Variants in FAM118B observed in about 807,000 individuals in gnomAD.
FAM118B encodes the protein SIR2 antiphage like 1, also known as protein FAM118B.
In FAM118B, 24 loss-of-function variants were observed where a neutral mutation model predicts 38.5. That is an observed-to-expected ratio of 0.62 (90% CI 0.45 to 0.88). The LOEUF is 0.88. FAM118B is among the 40% of genes least tolerant of loss of function. The pLI is 0.00. For synonymous variants in FAM118B, 138 were observed against 156.3 expected (o/e 0.88, Z 0.87); for missense variants, 334 against 420.0 (o/e 0.80, Z 1.79).
chr11:126,257,779 G>A (rs1950602396), intron 7 of FAM118B, among the ~76,000 whole-genome samples: 1 of 152,042 alleles, frequency 6.6e-6, no homozygotes, highest in South Asian at 2.1e-4. Flanking sequence ...ATGCTATTTG[G>A]AAACGGATAA....
At chr11:126,235,485 A>G (rs554104411) in intron 3 of FAM118B, among the ~76,000 whole-genome samples, 1 of 151,176 alleles carries the variant, frequency 6.6e-6, no homozygotes, top group Admixed American at 6.6e-5. Context: ...CACTCTCCCC[A>G]TGTTCTTGTA....
chr11:126,214,528 A>AT (rs1949954528), intron 1 of FAM118B: 3 of 29,192 alleles, frequency 1.0e-4, no homozygotes, highest in African/African-American at 1.4e-4. Flanking sequence ...TTTTTTTTTT[A>AT]CCTCTATATT....
In FAM118B at chr11:126,250,198, T is replaced by TCAGCTGTGTGTGTGTGTGAGG. The variant is rs1950481361; in HGVS notation, c.340-307_340-306insAGCTGTGTGTGTGTGTGAGGC. ...GCTCCGCCTCCTGGGTTCACACCAT[T>TCAGCTGTGTGTGTGTGTGAGG]CTCCTGCCTCAGCCTCCCAAGTAGC... On this transcript the variant is annotated intron_variant, in intron 4 of 8. Transcript: ENST00000533050. The surrounding 1 kb of genome is among the most constrained non-coding windows in gnomAD (Gnocchi z 5.1). Among the ~76,000 whole-genome samples the TCAGCTGTGTGTGTGTGTGAGG allele has an allele frequency of 6.6e-6, 1 of 151,860 alleles. No individual in the cohort carries two copies. The highest frequency in any genetic ancestry group is 2.4e-5 in the African/African-American group (1 of 41,360).
intron 1 of FAM118B, among the ~76,000 whole-genome samples, chr11:126,213,759 A>G (rs1196010081): frequency 1.3e-5 from 2 of 152,206 alleles, no homozygotes; most frequent in Non-Finnish European, 2.9e-5. Flanking sequence ...AACAAAATGA[A>G]GAACCAACTC....
In FAM118B at chr11:126,253,914, G is replaced by A. The variant is rs559167266; in HGVS notation, c.568-391G>A. ...ATCCCATTGGCTAAAAGCAAGCCAT[G>A]TGGTTAGCCTGGAGTCACTCCGAAG... On this transcript the variant is annotated intron_variant, in intron 5 of 8. Coordinates refer to ENST00000533050, the MANE Select transcript of FAM118B (RefSeq NM_024556.4). This position sits in a 1 kb window ranked among gnomAD's most constrained non-coding sequence, Gnocchi z 5.1. Among the ~76,000 whole-genome samples the A allele has an allele frequency of 1.3e-5, 2 of 152,318 alleles. No homozygotes were observed. The highest frequency in any genetic ancestry group is 6.5e-5 in the Admixed American group (1 of 15,302).
rs1199290036 is a variant in FAM118B, at chr11:126,256,517, G to C, written c.697-50G>C. 2 of 1,566,666 alleles carry C rather than the reference G, an allele frequency of 1.3e-6. No individual in the cohort carries two copies. The highest frequency in any genetic ancestry group is 3.5e-5 in the Admixed American group (2 of 57,612). On this transcript the variant is annotated intron_variant, in intron 6 of 8. Coordinates refer to ENST00000533050, the MANE Select transcript of FAM118B (RefSeq NM_024556.4). This position sits in a 1 kb window ranked among gnomAD's most constrained non-coding sequence, Gnocchi z 6.6. ...AGCATGACCTTCTTGTTTCAGACTT[G>C]CCTTGAGTGTGTCTTCACAATGTCA... is the stretch of plus-strand genomic sequence containing the variant.
chr11:126,262,339 T>A lies in FAM118B; in HGVS notation c.*206T>A. On this transcript the variant is annotated 3_prime_UTR_variant, in exon 9 of 9. Coordinates refer to ENST00000533050, the MANE Select transcript of FAM118B (RefSeq NM_024556.4). Reference sequence around the variant, plus strand: ...TTGATATTCTGCCGCCTGTTCAAGTTCAAGAATAAAAGCGACAGCAGGACC... The same window carrying A: ...TTGATATTCTGCCGCCTGTTCAAGTACAAGAATAAAAGCGACAGCAGGACC... 78 of 465,248 alleles carry A rather than the reference T, an allele frequency of 1.7e-4. No homozygotes were observed. Among genetic ancestry groups the A allele is most frequent in the Non-Finnish European group, 1.9e-4 (49 of 256,026 alleles). The allele number at this position is 465,248 out of a possible 1,614,324, so 28.8% of individuals were successfully genotyped here.
chr11:126,241,770 G>A (rs1044409520), intron 4 of FAM118B, among the ~76,000 whole-genome samples: 16 of 151,980 alleles, frequency 1.1e-4, no homozygotes, highest in East Asian at 5.8e-4. Context: ...AGCTGGTCTC[G>A]AACTTCTGAC....
rs890039530 is a variant in FAM118B at position 126,250,418 on chromosome 11, T to C, written c.340-88T>C. On this transcript the variant is annotated intron_variant, in intron 4 of 8. Transcript: ENST00000533050. This position sits in a 1 kb window ranked among gnomAD's most constrained non-coding sequence, Gnocchi z 5.1. Reference sequence around the variant, plus strand: ...TATCTCTGTTTTGAATTCAAAATATTCTTCCAAAATTTGTTACTGCTGTAA... The same window carrying C: ...TATCTCTGTTTTGAATTCAAAATATCCTTCCAAAATTTGTTACTGCTGTAA... The C allele has an allele frequency of 8.1e-6, 7 of 867,816 alleles. No individual in the cohort carries two copies. The African/African-American group carries it at 1.2e-4, about 15-fold the overall frequency. The allele number at this position is 867,816 out of a possible 1,614,324, so 53.8% of individuals were successfully genotyped here. A position where few individuals can be genotyped will look rare whatever the true frequency, so the allele number is the denominator to read the frequency against.
chr11:126,235,749 G>T lies in FAM118B; in HGVS notation c.86+662G>T, dbSNP rs529047275. ...TTGGTCAGGCTGGTCTCGAACCCCT[G>T]ACCTCGTGATCCACCCGCCTCGGCC... On this transcript the variant is annotated intron_variant, in intron 3 of 8. Coordinates refer to ENST00000533050, the MANE Select transcript of FAM118B (RefSeq NM_024556.4). Among the ~76,000 whole-genome samples the T allele has an allele frequency of 3.3e-5, 5 of 152,268 alleles. 1 individual carries two copies. Among genetic ancestry groups the T allele is most frequent in the Admixed American group, 1.3e-4 (2 of 15,296 alleles).
rs1297477628 is a variant in FAM118B at position 126,244,244 on chromosome 11, G to A, written c.339+3200G>A. Among the ~76,000 whole-genome samples, 1 of 152,118 alleles carries A rather than the reference G, an allele frequency of 6.6e-6. No homozygotes were observed. The highest frequency in any genetic ancestry group is 1.5e-5 in the Non-Finnish European group (1 of 68,036). ...CATGGTGCTGGATGTTCTAGACCGG[G>A]CAGTTAAGCAAGAAAACTAAAGGAA... On this transcript the variant is annotated intron_variant, in intron 4 of 8. Transcript: ENST00000533050. The surrounding 1 kb of genome is among the most constrained non-coding windows in gnomAD (Gnocchi z 4.5).
At chr11:126,231,396 AC>A (rs774599679) in intron 2 of FAM118B, among the ~76,000 whole-genome samples, 4 of 150,484 alleles carry the variant, frequency 2.7e-5, no homozygotes, top group Non-Finnish European at 6.0e-5. Flanking sequence ...TGTTTAGGGT[AC>A]ATGCTAAAAT....
chr11:126,243,440 G>A (rs973463557), intron 4 of FAM118B, among the ~76,000 whole-genome samples: 2 of 151,390 alleles, frequency 1.3e-5, no homozygotes, highest in African/African-American at 2.4e-5. Flanking sequence ...CTGCAGTCTC[G>A]GTGACAGAGC....
chr11:126,231,424 A>G (rs1263994965), intron 2 of FAM118B, among the ~76,000 whole-genome samples: 1 of 152,074 alleles, frequency 6.6e-6, no homozygotes, highest in Non-Finnish European at 1.5e-5. Flanking sequence ...TTTTTTCCTG[A>G]AAACAGTACT....
chr11:126,256,466 ATT>A lies in FAM118B; in HGVS notation c.697-100_697-99del. On this transcript the variant is annotated intron_variant, in intron 6 of 8. Transcript: ENST00000533050. The surrounding 1 kb of genome is among the most constrained non-coding windows in gnomAD (Gnocchi z 6.6). ...TACCAACCCACTTAAGTCTTGCTTA[ATT>A]GGTCATCACAGTCTGCTCAACGTAG... 1 of 1,071,318 alleles carries A rather than the reference ATT, an allele frequency of 9.3e-7. No individual in the cohort carries two copies. Among genetic ancestry groups the A allele is most frequent in the Non-Finnish European group, 1.3e-6 (1 of 742,566 alleles). The allele number at this position is 1,071,318 out of a possible 1,614,324, so 66.4% of individuals were successfully genotyped here.
intron 3 of FAM118B, among the ~76,000 whole-genome samples, chr11:126,239,502 T>C (rs571390096): frequency 6.6e-6 from 1 of 152,288 alleles, no homozygotes; most frequent in Admixed American, 6.5e-5. Context: ...TTTTTCATCA[T>C]TTGCTTCTAA....
chr11:126,242,682 A>ACCCGCTGGCCATTTCT (rs1412988306), intron 4 of FAM118B, among the ~76,000 whole-genome samples: 7 of 152,248 alleles, frequency 4.6e-5, no homozygotes, highest in Non-Finnish European at 8.8e-5. Context: ...AAACCACAAC[A>ACCCGCTGGCCATTTCT]AGGTGCCATT....
intron 7 of FAM118B, chr11:126,260,404 T>C (rs1950664736): frequency 6.6e-6 from 1 of 152,162 alleles, no homozygotes; most frequent in East Asian, 1.9e-4. Flanking sequence ...TGATTTTTTT[T>C]TTTTTTTGGT....
chr11:126,213,362 C>A (rs565372177), intron 1 of FAM118B, among the ~76,000 whole-genome samples: 3 of 152,312 alleles, frequency 2.0e-5, no homozygotes, highest in African/African-American at 7.2e-5. Flanking sequence ...GATCCAGATA[C>A]AAATGCAAAG....
Sources: allele counts gnomAD v4.1 joint callset (sites outside exome capture counted in the v4.1 genomes callset), GRCh38; gene constraint gnomAD v4.1.1; non-coding constraint Gnocchi (gnomAD v3.1); transcripts MANE v1.5; gene names NCBI Gene and HGNC (gene_info 2026-07-23, HGNC 2026-07-21).